Variants in SH3D19 observed in about 807,000 individuals in gnomAD.
SH3D19 encodes the protein SH3 domain-containing protein 19.
In SH3D19, 58 loss-of-function variants were observed where a neutral mutation model predicts 112.1. That is an observed-to-expected ratio of 0.52 (90% confidence interval 0.42 to 0.64). The LOEUF is 0.64. Among genes scored for constraint, SH3D19 ranks in the 30% least tolerant of loss-of-function variants. The probability of loss-of-function intolerance (pLI) is 0.00; values close to 1 mark genes in which losing one functional copy is unlikely to be tolerated. For synonymous variants in SH3D19, 391 were observed against 448.5 expected, an observed-to-expected ratio of 0.87 and a Z score of 1.62; for missense variants, 1,090 against 1,263.4, an observed-to-expected ratio of 0.86 and a Z score of 2.08.
At chr4:151,280,049 T>TTTGTTTGGGTGGGCGGAAGG in intron 1 of SH3D19, 1 of 712,338 alleles carries the variant, frequency 1.4e-6, no homozygotes, top group Non-Finnish European at 2.0e-6. Flanking sequence ...ATGAAAGTGG[T>TTTGTTTGGGTGGGCGGAAGG]AAAATAGGCA....
At chr4:151,323,875 A>C (rs1416319011) in intron 1 of SH3D19, among the ~76,000 whole-genome samples, 1 of 152,240 alleles carries the variant, frequency 6.6e-6, no homozygotes. Flanking sequence ...TCTTGTGAGA[A>C]TGAAGCTTTC....
chr4:151,137,083 T>C (rs1752017471), intron 14 of SH3D19, among the ~76,000 whole-genome samples: 1 of 152,218 alleles, frequency 6.6e-6, no homozygotes, highest in Non-Finnish European at 1.5e-5. Context: ...TTTATCCCCA[T>C]GTTTCACACA....
intron 8 of SH3D19, among the ~76,000 whole-genome samples, chr4:151,162,076 C>T (rs1478877751): frequency 4.6e-5 from 7 of 152,116 alleles, no homozygotes; most frequent in African/African-American, 1.7e-4. Flanking sequence ...TGGTTTGCTT[C>T]ACCTATCAAC....
intron 19 of SH3D19, among the ~76,000 whole-genome samples, chr4:151,126,622 C>T (rs1411221851): frequency 6.6e-6 from 1 of 151,480 alleles, no homozygotes; most frequent in East Asian, 2.0e-4. Flanking sequence ...GGTGAAACCT[C>T]GTCTCTACTA....
chr4:151,220,810 C>A (rs1372020145), intron 2 of SH3D19, among the ~76,000 whole-genome samples: 3 of 152,134 alleles, frequency 2.0e-5, no homozygotes, highest in African/African-American at 7.2e-5. Flanking sequence ...AGAAATATGG[C>A]TAATTTTGTT....
chr4:151,320,315 G>A (rs1730410840), intron 1 of SH3D19, among the ~76,000 whole-genome samples: 1 of 152,152 alleles, frequency 6.6e-6, no homozygotes, highest in African/African-American at 2.4e-5. Context: ...TCCTCCCTTT[G>A]GAGAAATAAT....
At chr4:151,324,159 C>T (rs913475639) in intron 1 of SH3D19, among the ~76,000 whole-genome samples, 3 of 152,188 alleles carry the variant, frequency 2.0e-5, no homozygotes, top group Non-Finnish European at 4.4e-5. Context: ...TTCCAAGATT[C>T]TACCAAAGGC....
intron 8 of SH3D19, among the ~76,000 whole-genome samples, chr4:151,162,211 C>G (rs941623221): frequency 6.6e-6 from 1 of 151,290 alleles, no homozygotes; most frequent in African/African-American, 2.4e-5. Context: ...CACGTGTTCT[C>G]ACTGTTCAAC....
intron 1 of SH3D19, among the ~76,000 whole-genome samples, chr4:151,238,628 T>C (rs1490186332): frequency 6.6e-6 from 1 of 152,048 alleles, no homozygotes; most frequent in Non-Finnish European, 1.5e-5. Context: ...CCCTCTGGTA[T>C]AAGAACACTC....
chr4:151,308,981 G>T (rs1338682772), intron 1 of SH3D19, among the ~76,000 whole-genome samples: 1 of 152,000 alleles, frequency 6.6e-6, no homozygotes, highest in Admixed American at 6.6e-5. Context: ...CAATTCTCAT[G>T]CTCCACCCTC....
chr4:151,191,898 G>T (rs1762703281), intron 2 of SH3D19, among the ~76,000 whole-genome samples: 1 of 148,540 alleles, frequency 6.7e-6, no homozygotes, highest in Non-Finnish European at 1.5e-5. Context: ...TCCCACCTCG[G>T]CCTCCCAAAG....
At chr4:151,252,172 T>C (rs1771469859) in intron 1 of SH3D19, among the ~76,000 whole-genome samples, 1 of 152,232 alleles carries the variant, frequency 6.6e-6, no homozygotes, top group South Asian at 2.1e-4. Flanking sequence ...TTTCCTCCTC[T>C]TTGCTGGATA....
rs1050799271 is a variant in SH3D19, at chr4:151,248,915, G to A, written c.113-22829C>T. Among the ~76,000 whole-genome samples the A allele has an allele frequency of 9.2e-5, 14 of 152,158 alleles. No homozygotes were observed. In the East Asian group the frequency reaches 2.3e-3, roughly 25 times the overall value. Reference sequence around the variant, plus strand: ...ACTGATTAATTTTTTTTTAAATTCAGGAACTAAAGTAACTAAGTTAAGTTT... The same window carrying A: ...ACTGATTAATTTTTTTTTAAATTCAAGAACTAAAGTAACTAAGTTAAGTTT... On this transcript the variant is annotated intron_variant, in intron 1 of 19. Coordinates refer to ENST00000604030, the MANE Select transcript of SH3D19 (RefSeq NM_001378122.1).
chr4:151,320,637 A>G (rs2126407338), intron 1 of SH3D19, among the ~76,000 whole-genome samples: 1 of 152,346 alleles, frequency 6.6e-6, no homozygotes, highest in South Asian at 2.1e-4. Flanking sequence ...TGTAACACAC[A>G]TAACCAACAA....
At chr4:151,289,532 G>T (rs894904112) in intron 1 of SH3D19, among the ~76,000 whole-genome samples, 2 of 152,176 alleles carry the variant, frequency 1.3e-5, no homozygotes, top group African/African-American at 4.8e-5. Context: ...CATAAAAAGA[G>T]CACAGTTTTT....
intron 1 of SH3D19, among the ~76,000 whole-genome samples, chr4:151,233,057 T>C (rs114115559): frequency 6.6e-6 from 1 of 152,026 alleles, no homozygotes; most frequent in Non-Finnish European, 1.5e-5. Context: ...TAGATCCTCA[T>C]AGGAGCTTGA....
chr4:151,301,834 A>G (rs1207346063), intron 1 of SH3D19, among the ~76,000 whole-genome samples: 1 of 152,230 alleles, frequency 6.6e-6, no homozygotes, highest in Non-Finnish European at 1.5e-5. Flanking sequence ...TCTTACATTG[A>G]GCATTAAATA....
At chr4:151,198,313 A>ATAT (rs1450507269) in intron 2 of SH3D19, among the ~76,000 whole-genome samples, 15 of 118,746 alleles carry the variant, frequency 1.3e-4, no homozygotes, top group South Asian at 8.7e-4. Context: ...TCAAAAAAAA[A>ATAT]AAAAATATAT....
At chr4:151,267,073 C>CT (rs932526357) in intron 1 of SH3D19, among the ~76,000 whole-genome samples, 8 of 151,332 alleles carry the variant, frequency 5.3e-5, no homozygotes, top group Admixed American at 3.3e-4. Context: ...AATCCCAGCA[C>CT]TTCTGGAGGC....
Sources: gnomAD v4.1 joint callset for allele counts (sites outside exome capture counted in the v4.1 genomes callset) on GRCh38, gnomAD v4.1.1 for gene constraint, MANE v1.5 for transcripts, NCBI Gene and HGNC (gene_info 2026-07-23, HGNC 2026-07-21) for gene names.